The following PLPPR1 variants were observed in gnomAD, a reference collection of about 807,000 sequenced individuals.
The protein encoded by PLPPR1 is phospholipid phosphatase-related protein type 1.
Under a neutral mutation model 33.1 loss-of-function variants are expected in PLPPR1, and 10 were observed. The observed-to-expected ratio is 0.30, with a 90% confidence interval of 0.19 to 0.51. The LOEUF is 0.51. Among genes scored for constraint, PLPPR1 ranks in the 20% least tolerant of loss-of-function variants. The pLI, the probability that PLPPR1 is intolerant of heterozygous loss-of-function variation, is 0.97. For missense variants in PLPPR1, 304 were observed against 408.1 expected (o/e 0.74, Z 2.20); for synonymous variants, 151 against 151.0 (o/e 1.00, Z 0.00).
intron 1 of PLPPR1, among the ~76,000 whole-genome samples, chr9:101,092,828 G>A (rs371497516): frequency 1.3e-5 from 2 of 152,100 alleles, no homozygotes; most frequent in Admixed American, 6.6e-5. Context: ...AGGGAATTAC[G>A]GTTAGATGAG....
chr9:101,110,605 T>C (rs1831044189), intron 1 of PLPPR1, among the ~76,000 whole-genome samples: 1 of 152,120 alleles, frequency 6.6e-6, no homozygotes, highest in African/African-American at 2.4e-5. Flanking sequence ...TCTAGTAAAA[T>C]TATCAAAAGG....
chr9:101,194,393 A>T (rs889930505), intron 2 of PLPPR1, among the ~76,000 whole-genome samples: 4 of 152,112 alleles, frequency 2.6e-5, no homozygotes, highest in Non-Finnish European at 5.9e-5. Context: ...ACTGAATTTG[A>T]TGCATGTAGT....
intron 1 of PLPPR1, among the ~76,000 whole-genome samples, chr9:101,136,713 T>G (rs889356619): frequency 2.6e-5 from 4 of 152,308 alleles, no homozygotes; most frequent in Admixed American, 2.6e-4. Flanking sequence ...GGTGAGAAAT[T>G]GAACGTGGTT....
chr9:101,287,274 T>C (rs1828408425), intron 4 of PLPPR1, among the ~76,000 whole-genome samples: 1 of 152,224 alleles, frequency 6.6e-6, no homozygotes, highest in African/African-American at 2.4e-5. Context: ...AAGTTTGCAA[T>C]TGGCTTACAG....
chr9:101,038,048 T>C (rs1275572167), intron 1 of PLPPR1, among the ~76,000 whole-genome samples: 1 of 152,106 alleles, frequency 6.6e-6, no homozygotes, highest in Admixed American at 6.5e-5. Context: ...ATTTCTGCTC[T>C]AACCTCTTTC....
intron 1 of PLPPR1, among the ~76,000 whole-genome samples, chr9:101,096,909 T>A (rs1369757499): frequency 1.3e-5 from 2 of 151,852 alleles, no homozygotes; most frequent in Non-Finnish European, 1.5e-5. Flanking sequence ...TACAAAAAAA[T>A]TTAAAACTTA....
intron 1 of PLPPR1, among the ~76,000 whole-genome samples, chr9:101,072,686 A>G (rs938403172): frequency 6.6e-6 from 1 of 152,174 alleles, no homozygotes; most frequent in African/African-American, 2.4e-5. Flanking sequence ...ACATTTTTCA[A>G]ATAAAATTGC....
intron 2 of PLPPR1, among the ~76,000 whole-genome samples, chr9:101,256,100 T>G (rs1403510880): frequency 6.6e-6 from 1 of 152,172 alleles, no homozygotes; most frequent in Non-Finnish European, 1.5e-5. Context: ...TTTCCGCTCC[T>G]GCTCCTCCCT....
chr9:101,251,371 T>C (rs1827709486), intron 2 of PLPPR1, among the ~76,000 whole-genome samples: 1 of 152,096 alleles, frequency 6.6e-6, no homozygotes. Flanking sequence ...TGTTGTGAGA[T>C]TGCTCTGGAA....
At chr9:101,170,463 A>G (rs1348959497) in intron 1 of PLPPR1, among the ~76,000 whole-genome samples, 3 of 152,180 alleles carry the variant, frequency 2.0e-5, no homozygotes, top group Non-Finnish European at 2.9e-5. Flanking sequence ...AGAACCCCCA[A>G]TGATTCAATT....
intron 2 of PLPPR1, among the ~76,000 whole-genome samples, chr9:101,205,762 C>A (rs560513907): frequency 6.6e-6 from 1 of 152,224 alleles, no homozygotes; most frequent in South Asian, 2.1e-4. Flanking sequence ...GGGCCGTATG[C>A]CAGGCACTGA....
intron 1 of PLPPR1, among the ~76,000 whole-genome samples, chr9:101,073,770 T>C (rs1830506651): frequency 6.6e-6 from 1 of 152,188 alleles, no homozygotes; most frequent in Non-Finnish European, 1.5e-5. Context: ...GATCGATCTA[T>C]TTCACTTACT....
intron 2 of PLPPR1, among the ~76,000 whole-genome samples, chr9:101,246,055 AAT>A (rs58070017): frequency 0.069 from 5,816 of 84,644 alleles, 326 homozygotes; most frequent in African/African-American, 0.11. Context: ...ATTGAATATG[AAT>A]ATATATATAT....
At chr9:101,183,996 T>C (rs895855398) in intron 1 of PLPPR1, among the ~76,000 whole-genome samples, 7 of 151,768 alleles carry the variant, frequency 4.6e-5, no homozygotes, top group Non-Finnish European at 8.9e-5. Context: ...ATTTATATCA[T>C]AAATACTAAG....
intron 2 of PLPPR1, among the ~76,000 whole-genome samples, chr9:101,191,500 T>C (rs1826296767): frequency 6.6e-6 from 1 of 152,172 alleles, no homozygotes; most frequent in Non-Finnish European, 1.5e-5. Context: ...CTTCCTTTTT[T>C]TCACTGTCAT....
intron 1 of PLPPR1, among the ~76,000 whole-genome samples, chr9:101,085,577 G>T (rs988821586): frequency 1.3e-5 from 2 of 152,032 alleles, no homozygotes; most frequent in African/African-American, 4.8e-5. Context: ...AAAGACAAAA[G>T]ATACTATAGG....
intron 1 of PLPPR1, among the ~76,000 whole-genome samples, chr9:101,138,569 G>T (rs1174265070): frequency 6.6e-6 from 1 of 152,142 alleles, no homozygotes; most frequent in Non-Finnish European, 1.5e-5. Context: ...ATACAAGATT[G>T]GTCCTAAATC....
intron 1 of PLPPR1, among the ~76,000 whole-genome samples, chr9:101,036,604 T>G (rs1185576084): frequency 6.6e-6 from 1 of 150,990 alleles, no homozygotes; most frequent in African/African-American, 2.4e-5. Flanking sequence ...TGGCTGGTCT[T>G]GGCTTATGGC....
intron 7 of PLPPR1, among the ~76,000 whole-genome samples, chr9:101,323,613 G>T (rs1003195590): frequency 9.2e-5 from 14 of 152,150 alleles, no homozygotes; most frequent in Admixed American, 2.0e-4. Flanking sequence ...GCTGGGGCGG[G>T]TGGATCACCT....
Sources: allele counts gnomAD v4.1 joint callset (sites outside exome capture counted in the v4.1 genomes callset), GRCh38; gene constraint gnomAD v4.1.1; transcripts MANE v1.5; gene names NCBI Gene and HGNC (gene_info 2026-07-23, HGNC 2026-07-21).